Variants in CCDC169 observed in about 807,000 individuals in gnomAD.
CCDC169 encodes coiled-coil domain-containing protein 169.
A neutral mutation model predicts 36.0 loss-of-function variants in CCDC169; 30 were observed. That is an observed-to-expected ratio of 0.83 (90% CI 0.62 to 1.13). The LOEUF (loss-of-function observed/expected upper bound fraction) is 1.13, where lower values mean the gene tolerates loss of function less well. CCDC169 is among the 50% of genes most tolerant of loss of function. The pLI is 0.00. For missense variants in CCDC169, 245 were observed against 245.9 expected, an observed-to-expected ratio of 1.00 and a Z score of 0.03; for synonymous variants, 85 against 81.5, an observed-to-expected ratio of 1.04 and a Z score of -0.23.
chr13:36,227,311 C>G, downstream of CCDC169: 13 of 1,551,436 alleles, frequency 8.4e-6, no homozygotes, highest in Non-Finnish European at 1.1e-5. Context: ...CCAGCCACAC[C>G]TGCAGCACTG....
At chr13:36,280,585 T>TTTAAAAGGC (rs1877385639) in intron 4 of CCDC169, 1 of 152,234 alleles carries the variant, frequency 6.6e-6, no homozygotes, top group African/African-American at 2.4e-5. Flanking sequence ...ATAATTATAT[T>TTTAAAAGGC]TTAAACAACA....
intron 2 of CCDC169, among the ~76,000 whole-genome samples, chr13:36,288,980 T>C (rs929122641): frequency 6.6e-6 from 1 of 152,144 alleles, no homozygotes. Flanking sequence ...AAATGGTCTA[T>C]GTAAGTTATG....
At chr13:36,242,789 C>T (rs1282419914) in intron 7 of CCDC169, among the ~76,000 whole-genome samples, 1 of 152,140 alleles carries the variant, frequency 6.6e-6, no homozygotes, top group Non-Finnish European at 1.5e-5. Flanking sequence ...CCAGACCATG[C>T]CACCTACCTC....
chr13:36,228,825 T>C (rs1870123092), downstream of CCDC169, among the ~76,000 whole-genome samples: 1 of 152,084 alleles, frequency 6.6e-6, no homozygotes, highest in African/African-American at 2.4e-5. Context: ...TGACAGGGGG[T>C]GTGAGCCACC....
intron 4 of CCDC169, among the ~76,000 whole-genome samples, chr13:36,275,992 GT>G (rs1448327769): frequency 6.6e-6 from 1 of 152,172 alleles, no homozygotes; most frequent in Admixed American, 6.5e-5. Context: ...TGGCCCGATG[GT>G]TTAAAAGAAC....
intron 1 of CCDC169, 104 bp downstream of exon 1, chr13:36,297,533 G>A (rs1879675128): frequency 8.9e-7 from 1 of 1,117,324 alleles, no homozygotes; most frequent in African/African-American, 1.5e-5. Context: ...GTTAATCACG[G>A]CGCCGGTCTT....
intron 4 of CCDC169, among the ~76,000 whole-genome samples, chr13:36,263,207 T>TTAAA (rs1555252367): frequency 1.3e-5 from 2 of 151,624 alleles, no homozygotes; most frequent in African/African-American, 4.8e-5. Flanking sequence ...AAAAAAAGGG[T>TTAAA]TAGAGGTCAG....
At chr13:36,237,472 C>G (rs1871228584) in intron 7 of CCDC169, among the ~76,000 whole-genome samples, 1 of 151,988 alleles carries the variant, frequency 6.6e-6, no homozygotes, top group Non-Finnish European at 1.5e-5. Context: ...TATTTGCACA[C>G]AAAACTTGTA....
intron 4 of CCDC169, among the ~76,000 whole-genome samples, chr13:36,270,662 A>G (rs1334878231): frequency 2.6e-5 from 4 of 152,186 alleles, no homozygotes; most frequent in Non-Finnish European, 5.9e-5. Context: ...ACAAAAACAT[A>G]ACTTAGGGAA....
intron 4 of CCDC169, among the ~76,000 whole-genome samples, chr13:36,268,486 A>C (rs1199299049): frequency 1.3e-5 from 2 of 152,212 alleles, no homozygotes; most frequent in African/African-American, 4.8e-5. Flanking sequence ...GCTAAGAGGA[A>C]AGTTAATAGC....
At chr13:36,289,316 T>G (rs1878601924) in intron 2 of CCDC169, among the ~76,000 whole-genome samples, 1 of 152,230 alleles carries the variant, frequency 6.6e-6, no homozygotes, top group African/African-American at 2.4e-5. Context: ...TTTTTTCCTC[T>G]GGTTCCACTG....
chr13:36,228,742 A>G (rs2322896), downstream of CCDC169, among the ~76,000 whole-genome samples: 152,109 of 152,162 alleles, frequency 1, 76,028 homozygotes, highest in Non-Finnish European at 1. Context: ...GTAGAGATGG[A>G]GTTTTGCCAT....
At chr13:36,222,874 G>T (rs1267381738), downstream of CCDC169, 1 of 151,838 alleles carries the variant, frequency 6.6e-6, no homozygotes, top group Non-Finnish European at 1.5e-5. Context: ...ATTACTTAAA[G>T]GAAAACATAA....
chr13:36,274,903 C>T (rs1202230342), intron 4 of CCDC169, among the ~76,000 whole-genome samples: 1 of 143,598 alleles, frequency 7.0e-6, no homozygotes, highest in Non-Finnish European at 1.5e-5. Flanking sequence ...CAAAGTCTCC[C>T]TGTCGCCCAG....
intron 4 of CCDC169, among the ~76,000 whole-genome samples, chr13:36,266,448 G>T (rs1458934527): frequency 6.6e-6 from 1 of 152,134 alleles, no homozygotes; most frequent in African/African-American, 2.4e-5. Flanking sequence ...CAGATGTCCT[G>T]TCAGAGTTTT....
At position 36,231,202 on chromosome 13, in the gene CCDC169, G is replaced by A. The variant is rs1870383712; in HGVS notation, c.636C>T (p.Leu212=). ...CCATCCAGTTCTGGAATCATGGATG[G>A]AGTTCTGGAAGATGGTTTGGTCTTG... ...KITRPNHLPE[L]HP is the part of the protein sequence containing the mutation. Residue 212 remains leucine (L), a synonymous_variant, in exon 8 of 8, where the codon CTC becomes CTT. Coordinates refer to ENST00000239859, the MANE Select transcript of CCDC169 (RefSeq NM_001144981.3). 16 of 1,551,162 alleles carry A rather than the reference G, an allele frequency of 1.0e-5. No individual in the cohort carries two copies. The highest frequency in any genetic ancestry group is 1.4e-5 in the African/African-American group (1 of 73,136).
rs555139622 is a variant in CCDC169 at position 36,248,476 on chromosome 13, A to G, written c.545+130T>C. On this transcript the variant is annotated intron_variant, in intron 7 of 7. Transcript: ENST00000239859. The stretch of plus-strand genomic sequence containing the variant: ...CACAACTTCTTTAAGTTCTCTTACC[A>G]TATGCAATTTTATATTGTTGCTATA... 98 of 758,476 alleles carry G rather than the reference A, an allele frequency of 1.3e-4. No individual in the cohort carries two copies. In the African/African-American group the frequency reaches 1.5e-3, roughly 11 times the overall value. 47.0% of individuals were successfully genotyped at this position (758,476 alleles called of 1,614,324 possible).
intron 4 of CCDC169, 90 bp from the exon 5 acceptor site, chr13:36,254,233 G>T (rs1345447171): frequency 5.0e-5 from 36 of 716,150 alleles, no homozygotes; most frequent in South Asian, 9.8e-5. Context: ...TAAATGCCTT[G>T]TATACCTAAT....
chr13:36,281,002 A>G, intron 4 of CCDC169: 1 of 234,012 alleles, frequency 4.3e-6, no homozygotes, highest in East Asian at 1.2e-4. Context: ...GTCAAGGGGA[A>G]TTACTGGGTG....
Sources: gnomAD v4.1 joint callset for allele counts (sites outside exome capture counted in the v4.1 genomes callset) on GRCh38, gnomAD v4.1.1 for gene constraint, MANE v1.5 for transcripts, NCBI Gene and HGNC (gene_info 2026-07-23, HGNC 2026-07-21) for gene names.